The following RELB variants were observed in gnomAD, a reference collection of about 807,000 sequenced individuals.
RELB encodes the protein RELB proto-oncogene, NF-kB subunit.
A neutral mutation model predicts 55.4 loss-of-function variants in RELB; 14 were observed. The observed-to-expected ratio is 0.25, with a 90% CI of 0.17 to 0.40. The LOEUF (loss-of-function observed/expected upper bound fraction) is 0.40. RELB is among the 10% of genes least tolerant of loss of function. The pLI is 1.00. For missense variants in RELB, 669 were observed against 830.7 expected (o/e 0.81, Z 2.39); for synonymous variants, 409 against 371.3 (o/e 1.10, Z -1.17).
chr19:45,004,172 C>A (rs1236118566), intron 2 of RELB, among the ~76,000 whole-genome samples: 3 of 151,256 alleles, frequency 2.0e-5, no homozygotes, highest in Non-Finnish European at 4.4e-5. Context: ...CCCGCCTCAG[C>A]CTCCCAAAGT....
chr19:45,020,493 C>T (rs1415025453), intron 4 of RELB, among the ~76,000 whole-genome samples: 5 of 150,902 alleles, frequency 3.3e-5, no homozygotes, highest in African/African-American at 2.4e-5. Flanking sequence ...GGATTACAGG[C>T]GTGAGCCACT....
At chr19:45,018,074 C>G (rs1297176630) in intron 4 of RELB, among the ~76,000 whole-genome samples, 1 of 151,600 alleles carries the variant, frequency 6.6e-6, no homozygotes, top group Non-Finnish European at 1.5e-5. Context: ...CGAGACCAGC[C>G]TGGCCAACAT....
At chr19:45,011,025 T>A (rs1290480719) in intron 3 of RELB, among the ~76,000 whole-genome samples, 1 of 152,108 alleles carries the variant, frequency 6.6e-6, no homozygotes, top group East Asian at 1.9e-4. Flanking sequence ...CCAATTTTTA[T>A]ATTTTTAGTG....
chr19:45,009,612 G>A (rs1445440387), intron 2 of RELB, among the ~76,000 whole-genome samples: 1 of 152,208 alleles, frequency 6.6e-6, no homozygotes, highest in East Asian at 1.9e-4. Context: ...CAACATTAGA[G>A]GTTGAAAGGA....
At chr19:45,028,764 GC>G (rs1971586998) in intron 7 of RELB, 123 bp from the exon 8 acceptor site, 1 of 684,238 alleles carries the variant, frequency 1.5e-6, no homozygotes, top group Non-Finnish European at 2.5e-6. Flanking sequence ...CAGATGCCCT[GC>G]CTTTTCAATT....
chr19:45,008,000 C>CAAAAAAAA (rs57007961), intron 2 of RELB, among the ~76,000 whole-genome samples: 561 of 62,920 alleles, frequency 8.9e-3, no homozygotes, highest in Non-Finnish European at 0.012. Context: ...GCTAAAAATA[C>CAAAAAAAA]AAAAAAAAAA....
chr19:45,011,887 T>C, intron 3 of RELB, 49 bp from the exon 4 acceptor site: 5 of 1,233,410 alleles, frequency 4.1e-6, no homozygotes, highest in Non-Finnish European at 5.3e-6. Context: ...TTTTTTTTTT[T>C]AATTTTTTAA....
At chr19:45,004,133 G>T (rs1971253450) in intron 2 of RELB, among the ~76,000 whole-genome samples, 1 of 151,230 alleles carries the variant, frequency 6.6e-6, no homozygotes, top group African/African-American at 2.4e-5. Context: ...GGCCAGGCTG[G>T]TCTTGAACTC....
chr19:45,033,074 C>T (rs1971644752), intron 9 of RELB, among the ~76,000 whole-genome samples: 1 of 152,176 alleles, frequency 6.6e-6, no homozygotes, highest in East Asian at 1.9e-4. Context: ...CGGCCCCTAG[C>T]TGTGTCCTCA....
intron 7 of RELB, among the ~76,000 whole-genome samples, chr19:45,027,872 A>T (rs1025183460): frequency 2.0e-5 from 3 of 152,054 alleles, no homozygotes; most frequent in Admixed American, 1.3e-4. Flanking sequence ...AACATTTTTT[A>T]AAAATTATTT....
At chr19:45,003,906 G>GTTTTTTTTTTTTTTTTTTTT (rs1568395564) in intron 2 of RELB, among the ~76,000 whole-genome samples, 1 of 62,538 alleles carries the variant, frequency 1.6e-5, no homozygotes, top group African/African-American at 5.4e-5. Context: ...TTTTTTGTCT[G>GTTTTTTTTTTTTTTTTTTTT]TTTTTTGTGT....
At chr19:45,013,011 C>T (rs982133768) in intron 4 of RELB, among the ~76,000 whole-genome samples, 3 of 152,070 alleles carry the variant, frequency 2.0e-5, no homozygotes, top group Middle Eastern at 3.4e-3. Context: ...GATCGCACCA[C>T]TGCACTCCAG....
At chr19:45,030,548 C>A (rs1189923382) in intron 8 of RELB, among the ~76,000 whole-genome samples, 1 of 152,158 alleles carries the variant, frequency 6.6e-6, no homozygotes, top group Non-Finnish European at 1.5e-5. Flanking sequence ...ACGAGAATCA[C>A]TTGAACCTGG....
chr19:45,008,953 T>G (rs1971316276), intron 2 of RELB, among the ~76,000 whole-genome samples: 2 of 152,152 alleles, frequency 1.3e-5, no homozygotes, highest in African/African-American at 4.8e-5. Context: ...GACCCAGCAT[T>G]ACTGTACCTC....
At chr19:45,003,913 G>GTTTT (rs1346315548) in intron 2 of RELB, among the ~76,000 whole-genome samples, 3 of 52,692 alleles carry the variant, frequency 5.7e-5, no homozygotes, top group Non-Finnish European at 7.8e-5. Flanking sequence ...TCTGTTTTTT[G>GTTTT]TGTTTTTTTT....
chr19:45,025,859 G>GATTAC, intron 7 of RELB, 122 bp downstream of exon 7: 1 of 1,264,416 alleles, frequency 7.9e-7, no homozygotes, highest in Non-Finnish European at 1.1e-6. Context: ...AACACTTTGG[G>GATTAC]AGGTCGAGGT....
chr19:45,011,647 A>G (rs532906396), intron 3 of RELB, among the ~76,000 whole-genome samples: 1 of 149,602 alleles, frequency 6.7e-6, no homozygotes, highest in East Asian at 2.0e-4. Flanking sequence ...GGGTTTCACT[A>G]TGTTGGCCAG....
intron 3 of RELB, among the ~76,000 whole-genome samples, chr19:45,010,425 C>A (rs755337520): frequency 7.9e-5 from 12 of 151,650 alleles, no homozygotes; most frequent in Non-Finnish European, 1.5e-4. Context: ...AGTCCCTGCC[C>A]TCGCAGAGCT....
chr19:45,020,990 T>C (rs528527251), intron 4 of RELB, among the ~76,000 whole-genome samples: 11 of 152,110 alleles, frequency 7.2e-5, no homozygotes, highest in African/African-American at 2.4e-4. Context: ...GCTTGGGCAA[T>C]GTAGCGAAAC....
Sources: allele counts gnomAD v4.1 joint callset (sites outside exome capture counted in the v4.1 genomes callset), GRCh38; gene constraint gnomAD v4.1.1; transcripts MANE v1.5; gene names NCBI Gene and HGNC (gene_info 2026-07-23, HGNC 2026-07-21).